Variants in TMEM178B observed in about 807,000 individuals in gnomAD.
TMEM178B encodes the protein transmembrane protein 178B.
Under a neutral mutation model 31.0 loss-of-function variants are expected in TMEM178B, and 5 were observed. That is an observed-to-expected ratio of 0.16 (90% CI 0.08 to 0.34). The LOEUF is 0.34. Among genes scored for constraint, TMEM178B ranks in the 10% least tolerant of loss-of-function variants. TMEM178B has a pLI of 1.00. For synonymous variants in TMEM178B, 164 were observed against 164.0 expected (o/e 1.00, Z 0.00); for missense variants, 275 against 400.3 (o/e 0.69, Z 2.67).
intron 1 of TMEM178B, among the ~76,000 whole-genome samples, chr7:141,136,584 C>G (rs772596070): frequency 4.6e-5 from 7 of 152,136 alleles, no homozygotes; most frequent in Non-Finnish European, 8.8e-5. Context: ...TGTGAAGAGA[C>G]AACCTGTAGA....
chr7:141,228,345 A>G (rs186379737), intron 2 of TMEM178B, among the ~76,000 whole-genome samples: 1 of 151,866 alleles, frequency 6.6e-6, no homozygotes, highest in Admixed American at 6.6e-5. Context: ...TCTCAACTTC[A>G]CTAATTATTC....
intron 2 of TMEM178B, among the ~76,000 whole-genome samples, chr7:141,338,232 G>T (rs1272020581): frequency 6.6e-6 from 1 of 152,184 alleles, no homozygotes; most frequent in African/African-American, 2.4e-5. Context: ...TAGAATTTTG[G>T]TCATGATGTA....
At chr7:141,238,687 G>A (rs929597009) in intron 2 of TMEM178B, among the ~76,000 whole-genome samples, 4 of 152,208 alleles carry the variant, frequency 2.6e-5, no homozygotes, top group Non-Finnish European at 5.9e-5. Flanking sequence ...CGCGGCTGGG[G>A]GCAGCCCCTG....
chr7:141,164,396 G>A (rs1284336361), intron 1 of TMEM178B, among the ~76,000 whole-genome samples: 3 of 152,164 alleles, frequency 2.0e-5, no homozygotes, highest in African/African-American at 4.8e-5. Flanking sequence ...TATTAATGCT[G>A]CAATGCTGGT....
At chr7:141,307,122 T>TATTG (rs1177416412) in intron 2 of TMEM178B, among the ~76,000 whole-genome samples, 1 of 152,168 alleles carries the variant, frequency 6.6e-6, no homozygotes, top group African/African-American at 2.4e-5. Context: ...TCCTTTCAGA[T>TATTG]ATTGATTGAT....
At chr7:141,448,629 C>T (rs1801805135) in intron 3 of TMEM178B, among the ~76,000 whole-genome samples, 1 of 152,174 alleles carries the variant, frequency 6.6e-6, no homozygotes, top group East Asian at 1.9e-4. Context: ...CTTTGGTTCT[C>T]AGTGTCCAGA....
At chr7:141,175,054 A>G (rs1290736352) in intron 1 of TMEM178B, among the ~76,000 whole-genome samples, 1 of 152,010 alleles carries the variant, frequency 6.6e-6, no homozygotes, top group Non-Finnish European at 1.5e-5. Flanking sequence ...TGTCCTGAAT[A>G]GTATTGCCTA....
At chr7:141,393,631 G>C (rs1800585315) in intron 2 of TMEM178B, among the ~76,000 whole-genome samples, 1 of 152,168 alleles carries the variant, frequency 6.6e-6, no homozygotes, top group African/African-American at 2.4e-5. Context: ...CAAAGAGAAA[G>C]AGAAAGGTCC....
intron 1 of TMEM178B, among the ~76,000 whole-genome samples, chr7:141,102,286 T>C (rs1163478033): frequency 6.6e-6 from 1 of 152,158 alleles, no homozygotes; most frequent in African/African-American, 2.4e-5. Context: ...GGTAAAGAGT[T>C]TCACTATCTA....
rs116235254 is a variant in TMEM178B at position 141,312,655 on chromosome 7, A to G, written c.496+99951A>G. On this transcript the variant is annotated intron_variant, in intron 2 of 3. Coordinates refer to ENST00000565468, the MANE Select transcript of TMEM178B (RefSeq NM_001195278.2). ...CAATCTCCAAAGGTCACATATTCCA[A>G]AACAGTTTCTAAATTTGCTTCAATG... Among the ~76,000 whole-genome samples, 256 of 152,324 alleles carry G rather than the reference A, an allele frequency of 1.7e-3. 2 individuals are homozygous for G. The highest frequency in any genetic ancestry group is 6.0e-3 in the African/African-American group (250 of 41,576).
At chr7:141,204,553 A>T (rs1796932531) in intron 1 of TMEM178B, among the ~76,000 whole-genome samples, 1 of 152,184 alleles carries the variant, frequency 6.6e-6, no homozygotes, top group Non-Finnish European at 1.5e-5. Context: ...CAATTGCACT[A>T]GTTTTGTCCA....
chr7:141,201,015 C>G (rs1472762767), intron 1 of TMEM178B, among the ~76,000 whole-genome samples: 1 of 152,044 alleles, frequency 6.6e-6, no homozygotes, highest in Non-Finnish European at 1.5e-5. Context: ...AAATTTTTTT[C>G]AGGGGCTGGA....
At chr7:141,505,822 C>A in the TMEM178B span, among the ~76,000 whole-genome samples, 10 of 152,222 alleles carry the variant, frequency 6.6e-5, no homozygotes, top group Non-Finnish European at 1.3e-4. Context: ...TCCAAGTACA[C>A]TCTTCACTCA....
intron 3 of TMEM178B, among the ~76,000 whole-genome samples, chr7:141,457,396 G>T (rs1801984411): frequency 6.6e-6 from 1 of 152,122 alleles, no homozygotes; most frequent in Non-Finnish European, 1.5e-5. Flanking sequence ...GCATATATAT[G>T]TATGTATGTG....
At position 141,291,669 on chromosome 7, in the gene TMEM178B, C is replaced by G. The variant is rs544900371; in HGVS notation, c.496+78965C>G. 4.6e-5 allele frequency among the ~76,000 whole-genome samples: 7 copies of G among 152,058 alleles called. No individual in the cohort carries two copies. In the East Asian group the frequency reaches 9.7e-4, roughly 21 times the overall value. On this transcript the variant is annotated intron_variant, in intron 2 of 3. Coordinates refer to ENST00000565468, the MANE Select transcript of TMEM178B (RefSeq NM_001195278.2). ...CCAAGACAGTAGCAAGAACCCTGTG[C>G]CGATTGTAGGGTTTATTGAAGAATT...
In TMEM178B at chr7:141,074,753, C is replaced by A; in HGVS notation, c.382+61C>A. On this transcript the variant is annotated intron_variant, in intron 1 of 3. Transcript: ENST00000565468. This position sits in a 1 kb window ranked among gnomAD's most constrained non-coding sequence, Gnocchi z 5.1. ...GCCCGGCGCCTTTAGGCCCCGCAGC[C>A]CCTCGCGTCTCCTTCCCAGGCCACA... 7.0e-7 allele frequency: 1 copy of A among 1,436,194 alleles called. No homozygotes were observed. The highest frequency in any genetic ancestry group is 2.5e-5 in the East Asian group (1 of 40,044). 89.0% of individuals were successfully genotyped at this position (1,436,194 alleles called of 1,614,324 possible).
chr7:141,207,214 G>T (rs1464886094), intron 1 of TMEM178B, among the ~76,000 whole-genome samples: 1 of 152,172 alleles, frequency 6.6e-6, no homozygotes, highest in African/African-American at 2.4e-5. Context: ...TGGACATTTA[G>T]GTTGCTTGTA....
intron 2 of TMEM178B, among the ~76,000 whole-genome samples, chr7:141,379,595 A>G (rs1800279360): frequency 6.6e-6 from 1 of 152,210 alleles, no homozygotes; most frequent in Non-Finnish European, 1.5e-5. Context: ...TTTTAATCCT[A>G]GGCCTTGCTG....
At chr7:141,454,879 G>A (rs760266272) in intron 3 of TMEM178B, among the ~76,000 whole-genome samples, 19 of 152,106 alleles carry the variant, frequency 1.2e-4, no homozygotes, top group South Asian at 2.1e-4. Context: ...TGCGGAAGAT[G>A]AGTCAATAAT....
Sources: allele counts gnomAD v4.1 joint callset (sites outside exome capture counted in the v4.1 genomes callset), GRCh38; gene constraint gnomAD v4.1.1; non-coding constraint Gnocchi (gnomAD v3.1); transcripts MANE v1.5; gene names NCBI Gene and HGNC (gene_info 2026-07-23, HGNC 2026-07-21).